The following ZBTB7C variants were observed in gnomAD, a reference collection of about 807,000 sequenced individuals.
The protein encoded by ZBTB7C is zinc finger and BTB domain containing 7C, also known as zinc finger and BTB domain-containing protein 7C.
Under a neutral mutation model 25.7 loss-of-function variants are expected in ZBTB7C, and 8 were observed. The ratio of observed to expected loss-of-function variants is 0.31; its 90% CI spans 0.18 to 0.56. The LOEUF (loss-of-function observed/expected upper bound fraction) is 0.56. Among genes scored for constraint, ZBTB7C ranks in the 20% least tolerant of loss-of-function variants. The pLI, the probability that ZBTB7C is intolerant of heterozygous loss-of-function variation, is 0.91. For synonymous variants in ZBTB7C, 394 were observed against 369.0 expected (o/e 1.07, Z -0.78); for missense variants, 824 against 855.2 (o/e 0.96, Z 0.46).
Position 48,040,222 on chromosome 18 carries a change from C to T in ZBTB7C, c.886G>A (p.Glu296Lys). ...NRKIKEEEKE[E>K]LPPPPPPPFP... is the part of the protein sequence containing the mutation. ...GGTGGCGGTGGGGGTGGGGGCAGCT[C>T]CTCCTTCTCCTCCTCCTTGATCTTC... Residue 296 changes from glutamate (E) to lysine (K), a missense_variant, in exon 4 of 5, where the codon GAG becomes AAG. Around this residue, in one of 4 missense-constraint regions of ZBTB7C, gnomAD observed 316 missense variants for 299.2 expected, o/e 1.06. Coordinates refer to ENST00000590800, the MANE Select transcript of ZBTB7C (RefSeq NM_001318841.2). 6.4e-7 allele frequency: 1 copy of T among 1,568,958 alleles called. No homozygotes were observed. The highest frequency in any genetic ancestry group is 8.6e-7 in the Non-Finnish European group (1 of 1,159,694).
chr18:48,122,545 T>G (rs1220415645), intron 3 of ZBTB7C, among the ~76,000 whole-genome samples: 2 of 152,144 alleles, frequency 1.3e-5, no homozygotes, highest in East Asian at 3.9e-4. Context: ...TTGCAGCCAA[T>G]TCTTCTGAGA....
At chr18:48,054,577 G>A (rs2036838853) in intron 3 of ZBTB7C, among the ~76,000 whole-genome samples, 1 of 152,106 alleles carries the variant, frequency 6.6e-6, no homozygotes, top group Non-Finnish European at 1.5e-5. Context: ...CAAAGATCCC[G>A]GCCCTGCCTG....
chr18:48,300,454 C>G (rs1477728702), intron 2 of ZBTB7C, among the ~76,000 whole-genome samples: 1 of 152,160 alleles, frequency 6.6e-6, no homozygotes, highest in Non-Finnish European at 1.5e-5. Context: ...AGCTGGGCAT[C>G]CGATTCCACC....
intron 3 of ZBTB7C, among the ~76,000 whole-genome samples, chr18:48,089,546 C>T (rs997955509): frequency 6.6e-6 from 1 of 151,844 alleles, no homozygotes; most frequent in African/African-American, 2.4e-5. Flanking sequence ...TGCCCCAACT[C>T]CCCGGGCGAT....
intron 3 of ZBTB7C, among the ~76,000 whole-genome samples, chr18:48,098,400 C>G (rs774948583): frequency 6.6e-6 from 1 of 152,158 alleles, no homozygotes; most frequent in Non-Finnish European, 1.5e-5. Context: ...AGAAGGGATA[C>G]TAAACAAAGC....
chr18:48,257,432 AAG>A (rs2044052388), intron 2 of ZBTB7C, among the ~76,000 whole-genome samples: 1 of 152,136 alleles, frequency 6.6e-6, no homozygotes, highest in Non-Finnish European at 1.5e-5. Flanking sequence ...CTTTCCCATA[AAG>A]AAAATTTTAG....
intron 3 of ZBTB7C, among the ~76,000 whole-genome samples, chr18:48,161,914 G>A (rs1207034727): frequency 6.6e-6 from 1 of 151,636 alleles, no homozygotes; most frequent in Non-Finnish European, 1.5e-5. Flanking sequence ...CATCGCTCCA[G>A]CTCGACCTCC....
At chr18:48,386,110 C>T (rs766377443) in intron 1 of ZBTB7C, among the ~76,000 whole-genome samples, 9 of 152,198 alleles carry the variant, frequency 5.9e-5, no homozygotes, top group Admixed American at 2.0e-4. Context: ...GAATAGGCTG[C>T]TCTCTTTGGT....
rs542590028 is a variant in ZBTB7C at position 48,236,797 on chromosome 18, G to C, written c.-78-50802C>G. Among the ~76,000 whole-genome samples, 13 of 152,308 alleles carry C rather than the reference G, an allele frequency of 8.5e-5. No individual in the cohort carries two copies. In the East Asian group the frequency reaches 2.3e-3, roughly 27 times the overall value. ...TTTCTGACAGTTTCTTGATTGAAAAGTTTGGCCCAAAGAAGCTGTTGCAGT... is the reference window on the plus strand; with the variant it reads ...TTTCTGACAGTTTCTTGATTGAAAACTTTGGCCCAAAGAAGCTGTTGCAGT... On this transcript the variant is annotated intron_variant, in intron 2 of 4. Coordinates refer to ENST00000590800, the MANE Select transcript of ZBTB7C (RefSeq NM_001318841.2).
intron 2 of ZBTB7C, among the ~76,000 whole-genome samples, chr18:48,307,343 T>C (rs888072245): frequency 3.9e-5 from 6 of 152,188 alleles, no homozygotes; most frequent in Non-Finnish European, 7.3e-5. Context: ...CCATAAACTG[T>C]CAAAACTTTG....
chr18:48,206,617 AC>A (rs2042582144), intron 2 of ZBTB7C, among the ~76,000 whole-genome samples: 1 of 152,158 alleles, frequency 6.6e-6, no homozygotes, highest in Non-Finnish European at 1.5e-5. Flanking sequence ...CTGTGATCTC[AC>A]CACTGCATTC....
At chr18:48,313,830 T>A (rs548811144) in intron 2 of ZBTB7C, among the ~76,000 whole-genome samples, 2 of 152,272 alleles carry the variant, frequency 1.3e-5, no homozygotes, top group African/African-American at 4.8e-5. Flanking sequence ...TGATTCCCAA[T>A]GTTGGAGGTA....
At chr18:48,300,093 T>C (rs2045504910) in intron 2 of ZBTB7C, among the ~76,000 whole-genome samples, 1 of 152,142 alleles carries the variant, frequency 6.6e-6, no homozygotes, top group Non-Finnish European at 1.5e-5. Flanking sequence ...ACACTTCAAG[T>C]AGCAAAGCTT....
intron 3 of ZBTB7C, among the ~76,000 whole-genome samples, chr18:48,111,826 A>C (rs1354270543): frequency 6.6e-6 from 1 of 152,228 alleles, no homozygotes; most frequent in Non-Finnish European, 1.5e-5. Context: ...GGGAGAAAAC[A>C]TAAACACAGT....
At chr18:48,374,909 T>G (rs1020624463) in intron 1 of ZBTB7C, among the ~76,000 whole-genome samples, 1 of 152,248 alleles carries the variant, frequency 6.6e-6, no homozygotes, top group Non-Finnish European at 1.5e-5. Context: ...GGTGCTGGCC[T>G]GGAAGAGAGT....
chr18:48,305,241 G>A (rs944596133), intron 2 of ZBTB7C, among the ~76,000 whole-genome samples: 3 of 152,150 alleles, frequency 2.0e-5, no homozygotes, highest in African/African-American at 4.8e-5. Context: ...AATTATCTGC[G>A]TGGCTGTTGC....
intron 1 of ZBTB7C, among the ~76,000 whole-genome samples, chr18:48,341,550 G>A (rs2046601022): frequency 6.6e-6 from 1 of 152,250 alleles, no homozygotes; most frequent in African/African-American, 2.4e-5. Context: ...TGTAGGGCTG[G>A]TGACAGCACA....
chr18:48,292,284 A>T (rs2144692834), intron 2 of ZBTB7C, among the ~76,000 whole-genome samples: 1 of 152,280 alleles, frequency 6.6e-6, no homozygotes, highest in African/African-American at 2.4e-5. Context: ...TTCCTCGTTA[A>T]AGCAAGTGCT....
intron 3 of ZBTB7C, among the ~76,000 whole-genome samples, chr18:48,050,483 A>C (rs2036642114): frequency 6.6e-6 from 1 of 152,170 alleles, no homozygotes; most frequent in East Asian, 1.9e-4. Context: ...TAGAGCCCGC[A>C]GTCCCCAGCT....
Sources: gnomAD v4.1 joint callset for allele counts (sites outside exome capture counted in the v4.1 genomes callset) on GRCh38, gnomAD v4.1.1 for gene constraint, gnomAD v4.1.1 regional missense constraint, MANE v1.5 for transcripts, NCBI Gene and HGNC (gene_info 2026-07-23, HGNC 2026-07-21) for gene names.